The following ATP8B1 variants were observed in gnomAD, a reference collection of about 807,000 sequenced individuals.
The protein encoded by ATP8B1 is ATPase phospholipid transporting 8B1.
In ATP8B1, 80 loss-of-function variants were observed where a neutral mutation model predicts 149.9. The observed-to-expected ratio is 0.53, with a 90% confidence interval of 0.45 to 0.64. The LOEUF (loss-of-function observed/expected upper bound fraction) is 0.64. Among genes scored for constraint, ATP8B1 ranks in the 30% least tolerant of loss-of-function variants. The pLI, the probability that ATP8B1 is intolerant of heterozygous loss-of-function variation, is 0.00. For synonymous variants in ATP8B1, 536 were observed against 562.8 expected, an observed-to-expected ratio of 0.95 and a Z score of 0.67; for missense variants, 1,247 against 1,552.6, an observed-to-expected ratio of 0.80 and a Z score of 3.31.
At chr18:57,750,143 T>C (rs2080002386) in intron 1 of ATP8B1, among the ~76,000 whole-genome samples, 1 of 152,142 alleles carries the variant, frequency 6.6e-6, no homozygotes, top group Admixed American at 6.5e-5. Flanking sequence ...CTCAGAAGGC[T>C]GAAGTACAAA....
At chr18:57,744,555 CAGG>C (rs2079948018) in intron 1 of ATP8B1, among the ~76,000 whole-genome samples, 1 of 152,104 alleles carries the variant, frequency 6.6e-6, no homozygotes, top group African/African-American at 2.4e-5. Context: ...TGAAAGTTAC[CAGG>C]AGAAAACCCT....
chr18:57,792,350 G>A (rs7229322), intron 1 of ATP8B1, among the ~76,000 whole-genome samples: 3,773 of 151,304 alleles, frequency 0.025, 167 homozygotes, highest in African/African-American at 0.087. Flanking sequence ...GTCTTGCCAC[G>A]TTGCCCAGGC....
intron 1 of ATP8B1, among the ~76,000 whole-genome samples, chr18:57,742,071 T>C (rs1313138127): frequency 6.6e-6 from 1 of 152,100 alleles, no homozygotes; most frequent in Admixed American, 6.5e-5. Flanking sequence ...GGTTTTACCT[T>C]GTTGGCCAGG....
intron 1 of ATP8B1, among the ~76,000 whole-genome samples, chr18:57,786,962 G>C (rs2080416382): frequency 6.6e-6 from 1 of 152,182 alleles, no homozygotes; most frequent in Admixed American, 6.5e-5. Flanking sequence ...CATCGACTTG[G>C]AACAGAAGAA....
At chr18:57,744,322 A>AAAAAAG (rs1555652561) in intron 1 of ATP8B1, among the ~76,000 whole-genome samples, 6 of 150,906 alleles carry the variant, frequency 4.0e-5, no homozygotes, top group African/African-American at 1.5e-4. Context: ...AAAAAAAAAA[A>AAAAAAG]AAAGAAAGAA....
chr18:57,685,173 C>T, intron 13 of ATP8B1, 58 bp from the exon 14 acceptor site: 1 of 1,580,414 alleles, frequency 6.3e-7, no homozygotes, highest in Non-Finnish European at 8.7e-7. Flanking sequence ...GAGGCCCCTC[C>T]TTACCTGGCT....
chr18:57,679,504 C>G lies in ATP8B1; in HGVS notation c.1631-4482G>C, dbSNP rs150989577. 2.0e-3 allele frequency among the ~76,000 whole-genome samples: 304 copies of G among 152,288 alleles called. 2 individuals carry two copies. The highest frequency in any genetic ancestry group is 6.9e-3 in the African/African-American group (285 of 41,536). On this transcript the variant is annotated intron_variant, in intron 15 of 27. Coordinates refer to ENST00000648908, the MANE Select transcript of ATP8B1 (RefSeq NM_001374385.1). ...AAAGACCTTCTTTTTCTTTCACACA[C>G]TAATTTGTGGCTCATGAAATTGATG...
chr18:57,748,793 T>C (rs1454253771), intron 1 of ATP8B1, among the ~76,000 whole-genome samples: 1 of 152,228 alleles, frequency 6.6e-6, no homozygotes, highest in Non-Finnish European at 1.5e-5. Context: ...AAGGTTAACA[T>C]GCTATTTTAA....
intron 1 of ATP8B1, among the ~76,000 whole-genome samples, chr18:57,788,268 G>T (rs1286257010): frequency 1.3e-5 from 2 of 151,682 alleles, no homozygotes; most frequent in African/African-American, 4.8e-5. Flanking sequence ...AAAAATCGGA[G>T]CTTAGAAAAT....
At chr18:57,785,789 A>G (rs1470959749) in intron 1 of ATP8B1, among the ~76,000 whole-genome samples, 1 of 152,208 alleles carries the variant, frequency 6.6e-6, no homozygotes, top group African/African-American at 2.4e-5. Flanking sequence ...TACAGGCATG[A>G]GCCACCGTAC....
chr18:57,698,772 G>A (rs1317906128), intron 6 of ATP8B1, among the ~76,000 whole-genome samples: 2 of 152,202 alleles, frequency 1.3e-5, no homozygotes, highest in Non-Finnish European at 2.9e-5. Context: ...TGTTTACACA[G>A]CCCCTTCAGC....
At position 57,704,635 on chromosome 18, in the gene ATP8B1, A is replaced by G; in HGVS notation, c.313T>C (p.Phe105Leu). The change falls in exon 4 of 28, where the codon TTT becomes CTT. Residue 105 changes from phenylalanine to leucine, a missense_variant. By Grantham distance (22) the Phe-to-Leu change is conservative. This residue lies in a region of ATP8B1 where 853 missense variants were observed against 1,035.7 expected (regional missense o/e 0.82). Transcript: ENST00000648908. ...AACAGATTCATTGGTATAAAGGTAAATGCGTTGTACTTGTATGTTTTAATT... is the reference window on the plus strand; with the variant it reads ...AACAGATTCATTGGTATAAAGGTAAGTGCGTTGTACTTGTATGTTTTAATT... The part of the protein sequence containing the change: ...NAIKTYKYNA[F>L]TFIPMNLFEQ... 6.2e-7 allele frequency: 1 copy of G among 1,610,366 alleles called. No homozygotes were observed. Among genetic ancestry groups the G allele is most frequent in the Non-Finnish European group, 8.5e-7 (1 of 1,176,574 alleles).
chr18:57,707,925 G>C (rs972060743), intron 2 of ATP8B1, among the ~76,000 whole-genome samples: 2 of 151,656 alleles, frequency 1.3e-5, no homozygotes, highest in Non-Finnish European at 1.5e-5. Context: ...GGGAGGCCGA[G>C]GTGGATGGAT....
Position 57,679,482 on chromosome 18 carries a change from GACC to G in ATP8B1, c.1631-4463_1631-4461del, listed in dbSNP as rs560710359. On this transcript the variant is annotated intron_variant, in intron 15 of 27. Transcript: ENST00000648908. ...TGGCACATTTAGAGGCAACCAGAAA[GACC>G]TTCTTTTTCTTTCACACACTAATTT... Among the ~76,000 whole-genome samples the G allele has an allele frequency of 2.2e-3, 328 of 152,188 alleles. 3 individuals carry two copies. Among genetic ancestry groups the G allele is most frequent in the African/African-American group, 7.2e-3 (299 of 41,500 alleles).
chr18:57,701,010 G>C (rs1489164916), intron 6 of ATP8B1, 29 bp downstream of exon 6: 1 of 1,594,188 alleles, frequency 6.3e-7, no homozygotes, highest in Non-Finnish European at 8.6e-7. Context: ...TTACATCCTT[G>C]AAACTCAGTT....
chr18:57,796,164 T>G (rs1568075890), intron 1 of ATP8B1, among the ~76,000 whole-genome samples: 2 of 151,974 alleles, frequency 1.3e-5, no homozygotes, highest in Non-Finnish European at 2.9e-5. Flanking sequence ...CGAGACCCCA[T>G]CTCAAAAAAT....
Position 57,701,096 on chromosome 18 carries a change from C to A in ATP8B1, c.497G>T (p.Arg166Leu). The change falls in exon 6 of 28, where the codon CGC becomes CTC. Residue 166 changes from arginine to leucine, a missense_variant. Around this residue, in one of 3 missense-constraint regions of ATP8B1, gnomAD observed 853 missense variants for 1,035.7 expected, o/e 0.82. Coordinates refer to ENST00000648908, the MANE Select transcript of ATP8B1 (RefSeq NM_001374385.1). ...GTTGATTTCCTTATCCATTTTATGG[C>A]GAGCCTTGAGAAGGAAGATGGGGAA... ...AIKDLVDDVARHKMDKEINNR... is the reference protein window; with the variant it reads ...AIKDLVDDVALHKMDKEINNR... 6.2e-7 allele frequency: 1 copy of A among 1,614,070 alleles called. No individual in the cohort carries two copies.
At position 57,732,301 on chromosome 18, in the gene ATP8B1, G is replaced by A. The variant is rs377334363; in HGVS notation, c.-25-469C>T. Among the ~76,000 whole-genome samples the A allele has an allele frequency of 9.3e-4, 10 of 10,730 alleles. 1 individual carries two copies. Among genetic ancestry groups the A allele is most frequent in the African/African-American group, 2.1e-3 (9 of 4,216 alleles). The allele number at this position is 10,730 out of a possible 152,430, so 7.0% of individuals were successfully genotyped here. ...TATGTGTATATATGTATATATATGT[G>A]TATATATGTGTGTATATATGTGTAT... On this transcript the variant is annotated intron_variant, in intron 1 of 27. Transcript: ENST00000648908.
chr18:57,762,330 G>T (rs2080166340), intron 1 of ATP8B1, among the ~76,000 whole-genome samples: 1 of 151,884 alleles, frequency 6.6e-6, no homozygotes, highest in African/African-American at 2.4e-5. Context: ...GTAGAGACAG[G>T]GTTTCACCAT....
Sources: gnomAD v4.1 joint callset for allele counts (sites outside exome capture counted in the v4.1 genomes callset) on GRCh38, gnomAD v4.1.1 for gene constraint, gnomAD v4.1.1 regional missense constraint, MANE v1.5 for transcripts, NCBI Gene and HGNC (gene_info 2026-07-23, HGNC 2026-07-21) for gene names.